The following OR2Z1 variants were observed in gnomAD, a reference collection of about 807,000 sequenced individuals.
OR2Z1 encodes olfactory receptor 2Z1.
For missense variants in OR2Z1, 449 were observed against 401.8 expected (o/e 1.12, Z -1.00); for synonymous variants, 188 against 160.6 (o/e 1.17, Z -1.29).
At chr19:8,728,361 C>A (rs1408101193) in intron 2 of OR2Z1, among the ~76,000 whole-genome samples, 1 of 152,132 alleles carries the variant, frequency 6.6e-6, no homozygotes, top group Non-Finnish European at 1.5e-5. Flanking sequence ...TCTTCTAGAG[C>A]TAGTGTCTCA....
chr19:8,731,661 T>C lies in OR2Z1; in HGVS notation c.633T>C (p.Leu211=). The change falls in exon 3 of 3, where the codon CTT becomes CTC. Residue 211 remains leucine, a synonymous_variant. Coordinates refer to ENST00000641125, the MANE Select transcript of OR2Z1 (RefSeq NM_001004699.3). ...TSGVLILMLP[L]SLIATSYGHV... ...GGGTGCTGATCCTAATGCTCCCTCT[T>C]TCCCTCATCGCCACCTCCTACGGCC... The C allele has an allele frequency of 6.2e-7, 1 of 1,613,984 alleles. No individual in the cohort carries two copies. The highest frequency in any genetic ancestry group is 8.5e-7 in the Non-Finnish European group (1 of 1,180,008).
chr19:8,729,097 T>TC (rs1555756440), intron 2 of OR2Z1: 11 of 1,247,924 alleles, frequency 8.8e-6, no homozygotes, highest in Admixed American at 1.7e-5. Flanking sequence ...GATCTTTTTT[T>TC]TAGTGGCTGT....
intron 2 of OR2Z1, among the ~76,000 whole-genome samples, chr19:8,724,233 A>T (rs1009907145): frequency 1.0e-4 from 15 of 150,152 alleles, no homozygotes; most frequent in Non-Finnish European, 1.5e-5. Flanking sequence ...ACCTATGGTC[A>T]TTTTTTTTTA....
chr19:8,731,889 C>G lies in OR2Z1; in HGVS notation c.861C>G (p.Pro287=), dbSNP rs149038440. The G allele has an allele frequency of 1.9e-5, 30 of 1,614,088 alleles. No individual in the cohort carries two copies. In the African/African-American group the frequency reaches 2.8e-4, roughly 15 times the overall value. ...FYSLVTPTLN[P]LIYSLRNPEV... Reference sequence around the variant, plus strand: ...GCCTTGTCACCCCTACACTCAACCCCCTTATCTACAGTCTGAGGAATCCGG... The same window carrying G: ...GCCTTGTCACCCCTACACTCAACCCGCTTATCTACAGTCTGAGGAATCCGG... Residue 287 remains proline (P), a synonymous_variant, in exon 3 of 3, where the codon CCC becomes CCG. Coordinates refer to ENST00000641125, the MANE Select transcript of OR2Z1 (RefSeq NM_001004699.3).
In OR2Z1 at chr19:8,723,940, C is replaced by T. The variant is rs73489512; in HGVS notation, c.-170+790C>T. Among the ~76,000 whole-genome samples the T allele has an allele frequency of 1.8e-3, 267 of 144,958 alleles. 1 individual carries two copies. The highest frequency in any genetic ancestry group is 6.1e-3 in the African/African-American group (238 of 38,866). ...ACATGATCACCCATTAGCCAGAAATCATAACTTAGTGGTGAAGGGGAGTCT... is the reference window on the plus strand; with the variant it reads ...ACATGATCACCCATTAGCCAGAAATTATAACTTAGTGGTGAAGGGGAGTCT... On this transcript the variant is annotated intron_variant, in intron 2 of 2. Transcript: ENST00000641125.
intron 2 of OR2Z1, among the ~76,000 whole-genome samples, chr19:8,723,495 T>C (rs1362189599): frequency 1.3e-5 from 2 of 152,170 alleles, no homozygotes; most frequent in African/African-American, 4.8e-5. Context: ...TCTCAAACTC[T>C]AAATTCTATA....
At chr19:8,724,603 T>A (rs1156764198) in intron 2 of OR2Z1, among the ~76,000 whole-genome samples, 1 of 152,166 alleles carries the variant, frequency 6.6e-6, no homozygotes, top group African/African-American at 2.4e-5. Context: ...GCCACCTCCA[T>A]TCCCACCATC....
At chr19:8,724,597 C>T (rs1599207282) in intron 2 of OR2Z1, among the ~76,000 whole-genome samples, 1 of 152,176 alleles carries the variant, frequency 6.6e-6, no homozygotes, top group African/African-American at 2.4e-5. Flanking sequence ...TCCCCAGCCA[C>T]CTCCATTCCC....
At position 8,731,954 on chromosome 19, in the gene OR2Z1, G is replaced by A; in HGVS notation, c.926G>A (p.Gly309Glu). ...TTGGTCAAAGTGCTTAGCAGAGCTG[G>A]ACTCAGGCAAATGTGCTGACTACAT... is the stretch of plus-strand genomic sequence containing the variant. The part of the protein sequence containing the change: ...MALVKVLSRA[G>E]LRQMC The change falls in exon 3 of 3, where the codon GGA becomes GAA. Residue 309 changes from glycine to glutamate, a missense_variant. Gly to Glu is a moderately conservative substitution (Grantham distance 98, BLOSUM62 -2). Coordinates refer to ENST00000641125, the MANE Select transcript of OR2Z1 (RefSeq NM_001004699.3). The A allele has an allele frequency of 6.2e-7, 1 of 1,613,538 alleles. No homozygotes were observed. Among genetic ancestry groups the A allele is most frequent in the East Asian group, 2.2e-5 (1 of 44,882 alleles).
chr19:8,730,973 G>C lies in OR2Z1; in HGVS notation c.-56G>C. ...TGAAAATTATTTGCCACCCCATGCA[G>C]GCTTCTTGCCATAGTTCAGCTGTTC... On this transcript the variant is annotated 5_prime_UTR_variant, in exon 3 of 3. Transcript: ENST00000641125. The C allele has an allele frequency of 7.0e-7, 1 of 1,436,740 alleles. No individual in the cohort carries two copies. The highest frequency in any genetic ancestry group is 9.7e-7 in the Non-Finnish European group (1 of 1,034,312). The allele number at this position is 1,436,740 out of a possible 1,614,324, so 89.0% of individuals were successfully genotyped here.
At chr19:8,727,018 T>C (rs575940751) in intron 2 of OR2Z1, among the ~76,000 whole-genome samples, 1 of 152,294 alleles carries the variant, frequency 6.6e-6, no homozygotes, top group East Asian at 1.9e-4. Flanking sequence ...GGGGTGATCA[T>C]GCAGCCTCAG....
intron 2 of OR2Z1, among the ~76,000 whole-genome samples, chr19:8,724,666 C>A (rs989990977): frequency 6.6e-6 from 1 of 152,086 alleles, no homozygotes; most frequent in Non-Finnish European, 1.5e-5. Flanking sequence ...TCATTTTTTC[C>A]ATTTTCGGGG....
chr19:8,726,062 T>A (rs2043326046), intron 2 of OR2Z1, among the ~76,000 whole-genome samples: 1 of 151,956 alleles, frequency 6.6e-6, no homozygotes, highest in Admixed American at 6.6e-5. Context: ...GCCTCCTGGG[T>A]TCAAGTGATT....
At chr19:8,728,408 C>T (rs1245285175) in intron 2 of OR2Z1, among the ~76,000 whole-genome samples, 1 of 152,180 alleles carries the variant, frequency 6.6e-6, no homozygotes, top group African/African-American at 2.4e-5. Flanking sequence ...TACCCACAGG[C>T]CGCTGCTCTC....
intron 2 of OR2Z1, among the ~76,000 whole-genome samples, chr19:8,723,968 T>TTGTGTGTGTGTGTGTGTGTGTGTGTG (rs55655760): frequency 7.5e-6 from 1 of 132,764 alleles, no homozygotes; most frequent in Non-Finnish European, 1.6e-5. Context: ...GGGAGTCTGT[T>TTGTGTGTGTGTGTGTGTGTGTGTGTG]TGTGTGTGTG....
intron 2 of OR2Z1, chr19:8,729,199 C>T (rs1555756458): frequency 1.3e-5 from 10 of 780,722 alleles, no homozygotes; most frequent in Admixed American, 8.2e-5. Context: ...TTGCTTTCGG[C>T]GCCATCTTGT....
chr19:8,726,207 G>C (rs924022546), intron 2 of OR2Z1, among the ~76,000 whole-genome samples: 1 of 151,956 alleles, frequency 6.6e-6, no homozygotes, highest in Non-Finnish European at 1.5e-5. Flanking sequence ...CCTCGTGATC[G>C]GCCCGCCTTG....
chr19:8,729,776 G>A (rs550373872), intron 2 of OR2Z1, among the ~76,000 whole-genome samples: 7 of 152,200 alleles, frequency 4.6e-5, no homozygotes, highest in Non-Finnish European at 7.4e-5. Flanking sequence ...TTTTAGTAGA[G>A]ATGGGGTTTC....
intron 2 of OR2Z1, chr19:8,728,739 A>G (rs2043338051): frequency 3.4e-6 from 2 of 590,066 alleles, no homozygotes; most frequent in East Asian, 4.3e-5. Flanking sequence ...CTCAGTTTAG[A>G]TGATCCCAAT....
Sources: gnomAD v4.1 joint callset for allele counts (sites outside exome capture counted in the v4.1 genomes callset) on GRCh38, gnomAD v4.1.1 for gene constraint, MANE v1.5 for transcripts, NCBI Gene and HGNC (gene_info 2026-07-23, HGNC 2026-07-21) for gene names.